Variants in AAK1 observed in about 807,000 individuals in gnomAD.
The protein encoded by AAK1 is AP2 associated kinase 1.
Under a neutral mutation model 116.0 loss-of-function variants are expected in AAK1, and 37 were observed. The ratio of observed to expected loss-of-function variants is 0.32; its 90% confidence interval spans 0.25 to 0.42. The LOEUF (loss-of-function observed/expected upper bound fraction) is 0.42. Ranked by LOEUF, AAK1 falls within the 10% of genes least tolerant of loss-of-function variation. The pLI is 1.00. For missense variants in AAK1, 919 were observed against 1,170.6 expected (o/e 0.79, Z 3.14); for synonymous variants, 458 against 439.9 (o/e 1.04, Z -0.51).
At chr2:69,500,688 TATATATATATACACAC>T (rs1439947251) in intron 16 of AAK1, among the ~76,000 whole-genome samples, 8 of 112,156 alleles carry the variant, frequency 7.1e-5, no homozygotes, top group African/African-American at 3.1e-4. Flanking sequence ...TATATATATA[TATATATATATACACAC>T]ACACACACAC....
In AAK1 at chr2:69,514,873, G is replaced by C. The variant is rs1572912617; in HGVS notation, c.1498-124C>G. On this transcript the variant is annotated intron_variant, in intron 12 of 21. Coordinates refer to ENST00000409085, the MANE Select transcript of AAK1 (RefSeq NM_014911.5). Reference sequence around the variant, plus strand: ...AGGCAAGGGCAAGTAGAAAAGTCTTGAGGCTAGGCCTAAAATCTCATGATA... The same window carrying C: ...AGGCAAGGGCAAGTAGAAAAGTCTTCAGGCTAGGCCTAAAATCTCATGATA... 5.4e-6 allele frequency: 6 copies of C among 1,120,948 alleles called. No homozygotes were observed. In the South Asian group the frequency reaches 8.5e-5, roughly 16 times the overall value. 69.4% of individuals were successfully genotyped at this position (1,120,948 alleles called of 1,614,324 possible).
Position 69,496,097 on chromosome 2 carries a change from G to A in AAK1, c.2270-17C>T, listed in dbSNP as rs150890965. On this transcript the variant is annotated splice_polypyrimidine_tract_variant and intron_variant, in intron 16 of 21. Coordinates refer to ENST00000409085, the MANE Select transcript of AAK1 (RefSeq NM_014911.5). ...TTTTTTCAGCTGGAGTTAGGTTGGA[G>A]GGGAAGGAGGAGTCAGGAGAGAAAA... 643 of 1,541,076 alleles carry A rather than the reference G, an allele frequency of 4.2e-4. 9 individuals are homozygous for A. The African/African-American group carries it at 7.7e-3, about 18-fold the overall frequency.
rs1487099606 is a variant in AAK1, at chr2:69,548,523, CTTCT to C, written c.283-3983_283-3980del. Among the ~76,000 whole-genome samples the C allele has an allele frequency of 9.2e-4, 131 of 142,416 alleles. 1 individual carries two copies. The highest frequency in any genetic ancestry group is 8.5e-3 in the Admixed American group (118 of 13,896). The allele number at this position is 142,416 out of a possible 152,430, so 93.4% of individuals were successfully genotyped here. ...CCTTCCTTTCTCTCTTTCTTCCTTC[CTTCT>C]TTCTCTCTCTCTTCCTTCCTTCCTC... On this transcript the variant is annotated intron_variant, in intron 3 of 21. Coordinates refer to ENST00000409085, the MANE Select transcript of AAK1 (RefSeq NM_014911.5).
In AAK1 at chr2:69,474,423, A is replaced by G. The variant is rs1674779496; in HGVS notation, c.*1446T>C. On this transcript the variant is annotated 3_prime_UTR_variant, in exon 22 of 22. Transcript: ENST00000409085. ...ACATAAGGAAATAAAATACACTTTAATGAGTAAGTACATATAGAGAGGGTG... is the reference window on the plus strand; with the variant it reads ...ACATAAGGAAATAAAATACACTTTAGTGAGTAAGTACATATAGAGAGGGTG... 1.0e-6 allele frequency: 1 copy of G among 985,740 alleles called. No homozygotes were observed. Among genetic ancestry groups the G allele is most frequent in the African/African-American group, 1.7e-5 (1 of 57,256 alleles). 61.1% of individuals were successfully genotyped at this position (985,740 alleles called of 1,614,324 possible).
chr2:69,568,578 A>G (rs932152124), intron 2 of AAK1, among the ~76,000 whole-genome samples: 5 of 151,988 alleles, frequency 3.3e-5, no homozygotes, highest in African/African-American at 1.2e-4. Context: ...CTAGAGGTGC[A>G]TGCCACCACA....
chr2:69,467,563 G>A lies in AAK1; in HGVS notation c.*8306C>T. The A allele has an allele frequency of 1.0e-6, 1 of 985,382 alleles. No individual in the cohort carries two copies. Among genetic ancestry groups the A allele is most frequent in the Non-Finnish European group, 1.2e-6 (1 of 829,932 alleles). 61.0% of individuals were successfully genotyped at this position (985,382 alleles called of 1,614,324 possible). On this transcript the variant is annotated 3_prime_UTR_variant, in exon 22 of 22. Coordinates refer to ENST00000409085, the MANE Select transcript of AAK1 (RefSeq NM_014911.5). ...ATCATTTCATCATGGGCTCAGTAAA[G>A]AGATACTACTGGAGTTTCCCAACCC...
rs2105014309 is a variant in AAK1, at chr2:69,526,620, T to A, written c.975+596A>T. On this transcript the variant is annotated intron_variant, in intron 9 of 21. Coordinates refer to ENST00000409085, the MANE Select transcript of AAK1 (RefSeq NM_014911.5). The stretch of plus-strand genomic sequence containing the variant: ...ACCATGCCCAGCCGTACTAGCAACA[T>A]TTGAAATCTGTAAAAAGGACATTTG... 2.6e-5 allele frequency among the ~76,000 whole-genome samples: 4 copies of A among 152,224 alleles called. No individual in the cohort carries two copies. The Middle Eastern group carries it at 0.01, about 388-fold the overall frequency.
chr2:69,478,075 G>C (rs1674918726), intron 20 of AAK1, among the ~76,000 whole-genome samples: 1 of 152,208 alleles, frequency 6.6e-6, no homozygotes, highest in Admixed American at 6.5e-5. Flanking sequence ...TAGTAGATTA[G>C]AAAGAGAAAT....
In AAK1 at chr2:69,594,860, G is replaced by A. The variant is rs746853608; in HGVS notation, c.164-37882C>T. On this transcript the variant is annotated intron_variant, in intron 2 of 21. Transcript: ENST00000409085. ...TTGGGCTCAACGCACTCAAGCCTTAGCACAATCTTCTTTGTAGTTTTAGCC... is the reference window on the plus strand; with the variant it reads ...TTGGGCTCAACGCACTCAAGCCTTAACACAATCTTCTTTGTAGTTTTAGCC... 33 of 1,557,670 alleles carry A rather than the reference G, an allele frequency of 2.1e-5. No homozygotes were observed. In the Admixed American group the frequency reaches 3.9e-4, roughly 18 times the overall value.
At chr2:69,499,314 A>G (rs1044007149) in intron 16 of AAK1, among the ~76,000 whole-genome samples, 12 of 151,756 alleles carry the variant, frequency 7.9e-5, no homozygotes, top group African/African-American at 2.9e-4. Flanking sequence ...CCAACACTCA[A>G]CTTCTTGGAC....
At chr2:69,521,036 G>A (rs555483613) in intron 10 of AAK1, 48 bp from the exon 11 acceptor site, 1 of 1,601,644 alleles carries the variant, frequency 6.2e-7, no homozygotes, top group South Asian at 1.1e-5. Context: ...GGGAAAAATG[G>A]AAGGGAGTGG....
intron 2 of AAK1, among the ~76,000 whole-genome samples, chr2:69,562,391 C>T (rs1303465111): frequency 2.0e-5 from 3 of 152,152 alleles, no homozygotes; most frequent in African/African-American, 7.2e-5. Context: ...TTTTAATAAG[C>T]ATAGGATCAT....
At chr2:69,623,402 G>C (rs1226006237) in intron 2 of AAK1, among the ~76,000 whole-genome samples, 2 of 152,186 alleles carry the variant, frequency 1.3e-5, no homozygotes, top group Non-Finnish European at 2.9e-5. Context: ...AGACCTGGCA[G>C]TCTTGAACCT....
In AAK1 at chr2:69,502,589, C is replaced by T. The variant is rs184185603; in HGVS notation, c.2269+2980G>A. ...TGAGCCAAGATTGTGCCATTGCACT[C>T]CAGCCTGGGCAACAAGAGCAGAACT... On this transcript the variant is annotated intron_variant, in intron 16 of 21. Transcript: ENST00000409085. Among the ~76,000 whole-genome samples the T allele has an allele frequency of 8.0e-4, 121 of 151,976 alleles. 1 individual carries two copies. The highest frequency in any genetic ancestry group is 1.0e-3 in the South Asian group (5 of 4,786).
At chr2:69,482,520 C>A in intron 18 of AAK1, 191 bp downstream of exon 18, 1 of 686,946 alleles carries the variant, frequency 1.5e-6, no homozygotes, top group Non-Finnish European at 2.7e-6. Flanking sequence ...TCAAGAAAGG[C>A]AAAAAATAGA....
At position 69,464,470 on chromosome 2, in the gene AAK1, C is replaced by A. The variant is rs55902961; in HGVS notation, c.*11399G>T. ...ATTTACTCTGAAACACCAGTTCCAG[C>A]AGGATTTCCCTACACCTTCCAACGT... On this transcript the variant is annotated 3_prime_UTR_variant, in exon 22 of 22. Transcript: ENST00000409085. 59,377 of 152,398 alleles carry A rather than the reference C, an allele frequency of 0.39. 12,056 individuals are homozygous for A. The highest frequency in any genetic ancestry group is 0.45 in the Middle Eastern group (130 of 292). 9.4% of individuals were successfully genotyped at this position (152,398 alleles called of 1,614,324 possible). A position where few individuals can be genotyped will look rare whatever the true frequency, so the allele number is the denominator to read the frequency against.
chr2:69,641,143 A>G (rs1675704774), intron 2 of AAK1, among the ~76,000 whole-genome samples: 1 of 152,062 alleles, frequency 6.6e-6, no homozygotes, highest in Admixed American at 6.6e-5. Context: ...TTTCCCTATC[A>G]CTTCTCTCAC....
chr2:69,571,001 AATGCCCACCCCC>A (rs1478576627), intron 2 of AAK1, among the ~76,000 whole-genome samples: 1 of 151,864 alleles, frequency 6.6e-6, no homozygotes. Context: ...CACCCAACAG[AATGCCCACCCCC>A]ATGCCCACCT....
rs1010997067 is a variant in AAK1 at position 69,469,026 on chromosome 2, C to A, written c.*6843G>T. On this transcript the variant is annotated 3_prime_UTR_variant, in exon 22 of 22. Coordinates refer to ENST00000409085, the MANE Select transcript of AAK1 (RefSeq NM_014911.5). ...TCAAGTTTGAAGGGAAAATTAGTCT[C>A]CTGTCCTTCAAAACAAGGACAAGAG... The A allele has an allele frequency of 1.0e-6, 1 of 985,434 alleles. No homozygotes were observed. The highest frequency in any genetic ancestry group is 1.2e-6 in the Non-Finnish European group (1 of 829,928). The allele number at this position is 985,434 out of a possible 1,614,324, so 61.0% of individuals were successfully genotyped here.
Sources: gnomAD v4.1 joint callset for allele counts (sites outside exome capture counted in the v4.1 genomes callset) on GRCh38, gnomAD v4.1.1 for gene constraint, MANE v1.5 for transcripts, NCBI Gene and HGNC (gene_info 2026-07-23, HGNC 2026-07-21) for gene names.